NEO1: variants seen among roughly 807,000 people sequenced by gnomAD.
NEO1 encodes neogenin 1.
A neutral mutation model predicts 159.7 loss-of-function variants in NEO1; 63 were observed. The observed-to-expected ratio is 0.39, with a 90% CI of 0.32 to 0.49. NEO1 has a LOEUF of 0.49. Ranked by LOEUF, NEO1 falls within the 20% of genes least tolerant of loss-of-function variation. The pLI is 0.85. For missense variants in NEO1, 1,615 were observed against 1,831.0 expected, an observed-to-expected ratio of 0.88 and a Z score of 2.15; for synonymous variants, 633 against 662.0, an observed-to-expected ratio of 0.96 and a Z score of 0.67.
At chr15:73,289,804 G>A (rs1218525100) in intron 25 of NEO1, among the ~76,000 whole-genome samples, 2 of 152,080 alleles carry the variant, frequency 1.3e-5, no homozygotes, top group South Asian at 4.1e-4. Context: ...TTAAAAATTA[G>A]CCAGGTATGG....
At chr15:73,079,603 A>C (rs970271537) in intron 1 of NEO1, among the ~76,000 whole-genome samples, 1 of 152,082 alleles carries the variant, frequency 6.6e-6, no homozygotes, top group Non-Finnish European at 1.5e-5. Context: ...ATTCATATGT[A>C]TTTTCAACTC....
chr15:73,126,070 A>G (rs542187667), intron 3 of NEO1, among the ~76,000 whole-genome samples: 1 of 152,336 alleles, frequency 6.6e-6, no homozygotes, highest in East Asian at 1.9e-4. Context: ...TAAGACCCCT[A>G]AAGAGCCTAG....
At chr15:73,209,170 A>G (rs1399933987) in intron 7 of NEO1, among the ~76,000 whole-genome samples, 1 of 152,222 alleles carries the variant, frequency 6.6e-6, no homozygotes, top group Admixed American at 6.5e-5. Flanking sequence ...AAGAATAAAT[A>G]TGTCTTTTCT....
chr15:73,301,618 T>C (rs1021191644), intron 28 of NEO1, 161 bp downstream of exon 28: 5 of 951,398 alleles, frequency 5.3e-6, no homozygotes, highest in Non-Finnish European at 7.7e-6. Context: ...TGAGCATCTC[T>C]TCTGAGCCGG....
Position 73,271,986 on chromosome 15 carries a change from C to T in NEO1, c.2858-469C>T, listed in dbSNP as rs185568381. Among the ~76,000 whole-genome samples the T allele has an allele frequency of 8.7e-5, 13 of 148,630 alleles. No individual in the cohort carries two copies. The East Asian group carries it at 2.5e-3, about 29-fold the overall frequency. ...AGAGAGAAAACTGTTTTACAATTTA[C>T]AGTATTCTAACAAAATAATCCAGTG... On this transcript the variant is annotated intron_variant, in intron 18 of 28. Transcript: ENST00000261908.
chr15:73,063,341 C>T (rs570610955), intron 1 of NEO1, among the ~76,000 whole-genome samples: 5 of 151,906 alleles, frequency 3.3e-5, no homozygotes, highest in African/African-American at 1.2e-4. Context: ...TAATATGTGT[C>T]CCTGCTTAGA....
chr15:73,133,994 G>A (rs1025706591), intron 4 of NEO1, among the ~76,000 whole-genome samples: 1 of 152,062 alleles, frequency 6.6e-6, no homozygotes, highest in African/African-American at 2.4e-5. Flanking sequence ...ATGACAACTA[G>A]TGTTTCAAAT....
intron 11 of NEO1, among the ~76,000 whole-genome samples, chr15:73,250,324 A>G (rs1472399795): frequency 3.9e-5 from 6 of 152,174 alleles, no homozygotes; most frequent in Non-Finnish European, 8.8e-5. Flanking sequence ...ATTAGAGTTC[A>G]TTGCACTTAG....
intron 1 of NEO1, among the ~76,000 whole-genome samples, chr15:73,083,937 G>C (rs2069211457): frequency 1.3e-5 from 2 of 152,120 alleles, no homozygotes; most frequent in African/African-American, 2.4e-5. Context: ...TTACAGGCAT[G>C]AGGCACTATG....
At chr15:73,208,070 A>G (rs1421686698) in intron 7 of NEO1, among the ~76,000 whole-genome samples, 1 of 152,236 alleles carries the variant, frequency 6.6e-6, no homozygotes, top group Non-Finnish European at 1.5e-5. Context: ...TCCTTCTGGA[A>G]GTTAAATAAA....
chr15:73,187,399 C>G (rs1452479275), intron 7 of NEO1, among the ~76,000 whole-genome samples: 2 of 151,842 alleles, frequency 1.3e-5, no homozygotes, highest in Non-Finnish European at 2.9e-5. Context: ...CCTTTTTTTC[C>G]TCCCACTCCT....
intron 1 of NEO1, among the ~76,000 whole-genome samples, chr15:73,093,993 C>G (rs28828370): frequency 0.13 from 20,100 of 152,102 alleles, 2,051 homozygotes; most frequent in African/African-American, 0.28. Context: ...ATGCTCCAGA[C>G]TCATCATTTG....
chr15:73,122,982 C>T (rs1567245591), intron 3 of NEO1, among the ~76,000 whole-genome samples, 182 bp downstream of exon 3: 1 of 152,048 alleles, frequency 6.6e-6, no homozygotes, highest in Non-Finnish European at 1.5e-5. Flanking sequence ...CATGGCGAAA[C>T]CCCATCTCTA....
At position 73,082,093 on chromosome 15, in the gene NEO1, C is replaced by T. The variant is rs986301522; in HGVS notation, c.130+29288C>T. Among the ~76,000 whole-genome samples, 4 of 152,072 alleles carry T rather than the reference C, an allele frequency of 2.6e-5. No individual in the cohort carries two copies. In the South Asian group the frequency reaches 6.2e-4, roughly 24 times the overall value. ...TTTGCCACATTGGCCGGACTGGTCT[C>T]GAGCTCCTGACCTCAGGTGATCTGC... is the stretch of plus-strand genomic sequence containing the variant. On this transcript the variant is annotated intron_variant, in intron 1 of 28. Coordinates refer to ENST00000261908, the MANE Select transcript of NEO1 (RefSeq NM_002499.4).
intron 15 of NEO1, 152 bp from the exon 16 acceptor site, chr15:73,266,164 C>T (rs1439684805): frequency 5.1e-6 from 3 of 593,298 alleles, no homozygotes; most frequent in Non-Finnish European, 8.8e-6. Flanking sequence ...CTTCCATCTC[C>T]ATATCTCCCT....
chr15:73,129,141 C>T (rs2030734718), intron 4 of NEO1, among the ~76,000 whole-genome samples: 1 of 152,152 alleles, frequency 6.6e-6, no homozygotes. Flanking sequence ...TGGCCCATAA[C>T]TGGGGAGGGG....
At chr15:73,231,235 A>G (rs903032312) in intron 7 of NEO1, among the ~76,000 whole-genome samples, 3 of 152,226 alleles carry the variant, frequency 2.0e-5, no homozygotes, top group Admixed American at 2.0e-4. Context: ...AATCTTCTTT[A>G]TAAGAATCTG....
intron 7 of NEO1, among the ~76,000 whole-genome samples, chr15:73,185,100 G>A (rs1366780573): frequency 6.6e-6 from 1 of 151,950 alleles, no homozygotes; most frequent in Non-Finnish European, 1.5e-5. Context: ...TATGGAGTTA[G>A]TAAAAAAATT....
intron 12 of NEO1, among the ~76,000 whole-genome samples, chr15:73,254,260 C>G (rs899302611): frequency 6.6e-6 from 1 of 151,900 alleles, no homozygotes; most frequent in Non-Finnish European, 1.5e-5. Flanking sequence ...ATTAGTTGTC[C>G]CCTTTTTAAA....
Sources: allele counts gnomAD v4.1 joint callset (sites outside exome capture counted in the v4.1 genomes callset), GRCh38; gene constraint gnomAD v4.1.1; transcripts MANE v1.5; gene names NCBI Gene and HGNC (gene_info 2026-07-23, HGNC 2026-07-21).